The following TIRAP variants were observed in gnomAD, a reference collection of about 807,000 sequenced individuals.
TIRAP encodes TIR domain containing adaptor protein, also known as toll/interleukin-1 receptor domain-containing adapter protein.
TIRAP carries 20 observed loss-of-function variants against 19.8 expected under a neutral mutation model. The observed-to-expected ratio is 1.01, with a 90% confidence interval of 0.71 to 1.47. TIRAP has a LOEUF of 1.47. Among genes scored for constraint, TIRAP ranks in the 40% most tolerant of loss-of-function variants. TIRAP has a pLI of 0.00. For synonymous variants in TIRAP, 125 were observed against 121.7 expected, an observed-to-expected ratio of 1.03 and a Z score of -0.18; for missense variants, 276 against 285.1, an observed-to-expected ratio of 0.97 and a Z score of 0.23.
rs33948579 is a variant in TIRAP at position 126,292,301 on chromosome 11, C to CAAAA, written c.68-161_68-158dup. ...CCTGGGTGAGAGTGAGACTCTGCCT[C>CAAAA]AAAAAAAAAAAAAAAAAATAGTGGA... is the stretch of plus-strand genomic sequence containing the variant. On this transcript the variant is annotated intron_variant, in intron 3 of 4. Transcript: ENST00000392679. Among the ~76,000 whole-genome samples the CAAAA allele has an allele frequency of 6.7e-3, 786 of 118,068 alleles. 16 individuals are homozygous for CAAAA. Among genetic ancestry groups the CAAAA allele is most frequent in the Middle Eastern group, 0.021 (5 of 236 alleles). The allele number at this position is 118,068 out of a possible 152,430, so 77.5% of individuals were successfully genotyped here.
intron 1 of TIRAP, among the ~76,000 whole-genome samples, chr11:126,285,127 C>T (rs1219327395): frequency 6.6e-6 from 1 of 151,492 alleles, no homozygotes; most frequent in African/African-American, 2.4e-5. Context: ...TTTGAATATT[C>T]CTTTTGTGAA....
At position 126,291,595 on chromosome 11, in the gene TIRAP, T is replaced by C. The variant is rs614700; in HGVS notation, c.67+634T>C. On this transcript the variant is annotated intron_variant, in intron 3 of 4. Transcript: ENST00000392679. The surrounding 1 kb of genome is among the most constrained non-coding windows in gnomAD (Gnocchi z 5.6). ...GTGGGTTCTGAATCACGAAGCTCTC[T>C]GCTCCTCAGCAACTCTGAGCAGTAG... is the stretch of plus-strand genomic sequence containing the variant. 0.77 allele frequency: 357,509 copies of C among 462,890 alleles called. 140,538 individuals are homozygous for C. The highest frequency in any genetic ancestry group is 0.99 in the East Asian group (14,279 of 14,414). 28.7% of individuals were successfully genotyped at this position (462,890 alleles called of 1,614,324 possible).
chr11:126,292,439 G>A (rs1326002479), intron 3 of TIRAP, 38 bp from the exon 4 acceptor site: 1 of 1,605,664 alleles, frequency 6.2e-7, no homozygotes, highest in East Asian at 2.2e-5. Context: ...GAGGGCACCT[G>A]GTAACACACA....
Position 126,288,512 on chromosome 11 carries a change from A to T in TIRAP, c.-216-1950A>T, listed in dbSNP as rs542279352. 6.6e-6 allele frequency: 1 copy of T among 152,354 alleles called. No individual in the cohort carries two copies. The highest frequency in any genetic ancestry group is 2.1e-4 in the South Asian group (1 of 4,832). 9.4% of individuals were successfully genotyped at this position (152,354 alleles called of 1,614,324 possible). On this transcript the variant is annotated intron_variant, in intron 1 of 4. Coordinates refer to ENST00000392679, the MANE Select transcript of TIRAP (RefSeq NM_001318777.2). This position sits in a 1 kb window ranked among gnomAD's most constrained non-coding sequence, Gnocchi z 5.0. ...GTGCATGGCGTCTTGGATTCCAGGA[A>T]GTAGGCAGTGTGTATGGTTACTGGA...
At position 126,291,101 on chromosome 11, in the gene TIRAP, A is replaced by G; in HGVS notation, c.67+140A>G. The G allele has an allele frequency of 2.8e-6, 3 of 1,059,722 alleles. No individual in the cohort carries two copies. The South Asian group carries it at 4.9e-5, about 17-fold the overall frequency. The allele number at this position is 1,059,722 out of a possible 1,614,324, so 65.6% of individuals were successfully genotyped here. A position where few individuals can be genotyped will look rare whatever the true frequency, so the allele number is the denominator to read the frequency against. ...CGTGGGGAACTCCTGACCTGAATTC[A>G]GGGCCTGGATGCTTTGTGGAGAGTG... On this transcript the variant is annotated intron_variant, in intron 3 of 4. Coordinates refer to ENST00000392679, the MANE Select transcript of TIRAP (RefSeq NM_001318777.2). This position sits in a 1 kb window ranked among gnomAD's most constrained non-coding sequence, Gnocchi z 5.6.
At chr11:126,286,054 GAAA>G (rs1182840430) in intron 1 of TIRAP, among the ~76,000 whole-genome samples, 22 of 48,320 alleles carry the variant, frequency 4.6e-4, no homozygotes, top group African/African-American at 6.0e-4. Context: ...ACCCTCTCTG[GAAA>G]AAAAAAAAAA....
intron 3 of TIRAP, among the ~76,000 whole-genome samples, chr11:126,292,110 C>T (rs1951396662): frequency 6.6e-6 from 1 of 151,820 alleles, no homozygotes; most frequent in Non-Finnish European, 1.5e-5. Flanking sequence ...TCAAGACCAG[C>T]CTGACCAACA....
In TIRAP at chr11:126,292,856, G is replaced by C. The variant is rs1238402096; in HGVS notation, c.447G>C (p.Pro149=). 1 of 1,613,204 alleles carries C rather than the reference G, an allele frequency of 6.2e-7. No individual in the cohort carries two copies. Among genetic ancestry groups the C allele is most frequent in the Non-Finnish European group, 8.5e-7 (1 of 1,179,934 alleles). ...SSHCRVLLIT[P]GFLQDPWCKY... ...ACTGCCGGGTGCTGCTCATCACGCCGGGCTTCCTTCAGGACCCCTGGTGCA... is the reference window on the plus strand; with the variant it reads ...ACTGCCGGGTGCTGCTCATCACGCCCGGCTTCCTTCAGGACCCCTGGTGCA... Residue 149 remains proline, a synonymous_variant, in exon 4 of 5, where the codon CCG becomes CCC. Coordinates refer to ENST00000392679, the MANE Select transcript of TIRAP (RefSeq NM_001318777.2).
chr11:126,292,153 A>G (rs1951397283), intron 3 of TIRAP, among the ~76,000 whole-genome samples: 1 of 151,618 alleles, frequency 6.6e-6, no homozygotes, highest in Non-Finnish European at 1.5e-5. Flanking sequence ...AAAATACAAA[A>G]ATTAGCCAGG....
intron 4 of TIRAP, 129 bp downstream of exon 4, chr11:126,293,184 T>C: frequency 6.5e-7 from 1 of 1,529,966 alleles, no homozygotes; most frequent in Non-Finnish European, 8.8e-7. Flanking sequence ...TGTCGGGGTT[T>C]GTATCCTGGC....
chr11:126,285,243 G>GTGTGTATATATATATA, intron 1 of TIRAP, among the ~76,000 whole-genome samples: 198 of 106,968 alleles, frequency 1.9e-3, no homozygotes, highest in African/African-American at 3.0e-3. Flanking sequence ...GTGTGTGTGT[G>GTGTGTATATATATATA]TATATATATA....
chr11:126,283,912 C>G (rs1478921507), intron 1 of TIRAP, among the ~76,000 whole-genome samples: 1 of 152,212 alleles, frequency 6.6e-6, no homozygotes, highest in Non-Finnish European at 1.5e-5. Context: ...TTTTCCACAA[C>G]ACGCACATTT....
In TIRAP at chr11:126,292,472, C is replaced by G; in HGVS notation, c.68-5C>G. ...ACAGGCCTGAGCAGTGTTTCTCCCCCACAGACTGGTTCAGGCAGACCCTGC... is the reference window on the plus strand; with the variant it reads ...ACAGGCCTGAGCAGTGTTTCTCCCCGACAGACTGGTTCAGGCAGACCCTGC... On this transcript the variant is annotated splice_polypyrimidine_tract_variant and splice_region_variant and intron_variant, in intron 3 of 4. Coordinates refer to ENST00000392679, the MANE Select transcript of TIRAP (RefSeq NM_001318777.2). 3 of 1,613,548 alleles carry G rather than the reference C, an allele frequency of 1.9e-6. No homozygotes were observed. Among genetic ancestry groups the G allele is most frequent in the South Asian group, 1.1e-5 (1 of 91,012 alleles).
intron 1 of TIRAP, among the ~76,000 whole-genome samples, chr11:126,286,069 A>G (rs1951318857): frequency 6.8e-6 from 1 of 146,196 alleles, no homozygotes; most frequent in Non-Finnish European, 1.5e-5. Flanking sequence ...AAAAAAAAAA[A>G]AAAAAAAAAG....
rs559435483 is a variant in TIRAP at position 126,294,632 on chromosome 11, T to C, written c.*945T>C. On this transcript the variant is annotated 3_prime_UTR_variant, in exon 5 of 5. Coordinates refer to ENST00000392679, the MANE Select transcript of TIRAP (RefSeq NM_001318777.2). ...TAGGACAGGCAAGGTTTCATTCATC[T>C]GTTCTCAGTAAGTTTGTTGTTGAAC... 1 of 445,048 alleles carries C rather than the reference T, an allele frequency of 2.2e-6. No homozygotes were observed. The highest frequency in any genetic ancestry group is 2.0e-5 in the African/African-American group (1 of 49,686). 27.6% of individuals were successfully genotyped at this position (445,048 alleles called of 1,614,324 possible).
At chr11:126,283,754 G>C (rs1406340348) in intron 1 of TIRAP, among the ~76,000 whole-genome samples, 1 of 152,162 alleles carries the variant, frequency 6.6e-6, no homozygotes, top group Non-Finnish European at 1.5e-5. Context: ...GCAACAGAGA[G>C]GGGGAAGTGT....
chr11:126,285,243 G>GTGTGTGTATATATA lies in TIRAP; in HGVS notation c.-217+2091_-217+2092insGTGTGTATATATAT. 5.1e-3 allele frequency among the ~76,000 whole-genome samples: 546 copies of GTGTGTGTATATATA among 106,934 alleles called. 7 individuals are homozygous for GTGTGTGTATATATA. Among genetic ancestry groups the GTGTGTGTATATATA allele is most frequent in the East Asian group, 0.04 (153 of 3,830 alleles). 70.2% of individuals were successfully genotyped at this position (106,934 alleles called of 152,430 possible). The stretch of plus-strand genomic sequence containing the variant: ...ATTTATTGGATATATGTGTGTGTGT[G>GTGTGTGTATATATA]TATATATATATATATATAATATATA... On this transcript the variant is annotated intron_variant, in intron 1 of 4. Coordinates refer to ENST00000392679, the MANE Select transcript of TIRAP (RefSeq NM_001318777.2).
In TIRAP at chr11:126,293,774, C is replaced by T. The variant is rs1591375080; in HGVS notation, c.*87C>T. Reference sequence around the variant, plus strand: ...GGGCCTCGGATTCCCACAAATGTGACAAGAGGTATAGGGAGTGAGTCACAG... The same window carrying T: ...GGGCCTCGGATTCCCACAAATGTGATAAGAGGTATAGGGAGTGAGTCACAG... On this transcript the variant is annotated 3_prime_UTR_variant, in exon 5 of 5. Coordinates refer to ENST00000392679, the MANE Select transcript of TIRAP (RefSeq NM_001318777.2). 4.8e-6 allele frequency: 7 copies of T among 1,473,136 alleles called. No individual in the cohort carries two copies. Among genetic ancestry groups the T allele is most frequent in the African/African-American group, 2.8e-5 (2 of 72,350 alleles). The allele number at this position is 1,473,136 out of a possible 1,614,324, so 91.3% of individuals were successfully genotyped here.
rs73631789 is a variant in TIRAP at position 126,294,517 on chromosome 11, G to A, written c.*830G>A. ...CATCTGGGAGCTTCATCAGTGGTCT[G>A]GCTAAAGCTGATACTTTCACAGTCA... On this transcript the variant is annotated 3_prime_UTR_variant, in exon 5 of 5. Coordinates refer to ENST00000392679, the MANE Select transcript of TIRAP (RefSeq NM_001318777.2). 3.2e-3 allele frequency: 1,449 copies of A among 456,246 alleles called. 10 individuals are homozygous for A. The highest frequency in any genetic ancestry group is 0.022 in the African/African-American group (1,106 of 50,162). 28.3% of individuals were successfully genotyped at this position (456,246 alleles called of 1,614,324 possible). A position where few individuals can be genotyped will look rare whatever the true frequency, so the allele number is the denominator to read the frequency against.
Sources: allele counts gnomAD v4.1 joint callset (sites outside exome capture counted in the v4.1 genomes callset), GRCh38; gene constraint gnomAD v4.1.1; non-coding constraint Gnocchi (gnomAD v3.1); transcripts MANE v1.5; gene names NCBI Gene and HGNC (gene_info 2026-07-23, HGNC 2026-07-21).